The following GPM6A variants were observed in gnomAD, a reference collection of about 807,000 sequenced individuals.
GPM6A encodes the protein glycoprotein M6A, also known as neuronal membrane glycoprotein M6-a.
A neutral mutation model predicts 32.1 loss-of-function variants in GPM6A; 7 were observed. The observed-to-expected ratio is 0.22, with a 90% CI of 0.12 to 0.41. GPM6A has a LOEUF of 0.41. GPM6A is among the 10% of genes least tolerant of loss of function. The pLI is 1.00. For synonymous variants in GPM6A, 130 were observed against 123.4 expected, an observed-to-expected ratio of 1.05 and a Z score of -0.35; for missense variants, 235 against 347.2, an observed-to-expected ratio of 0.68 and a Z score of 2.57.
chr4:175,639,901 A>G (rs1741035822), intron 6 of GPM6A, among the ~76,000 whole-genome samples: 1 of 152,148 alleles, frequency 6.6e-6, no homozygotes, highest in African/African-American at 2.4e-5. Flanking sequence ...CTAAAATCCT[A>G]ATGAATTACT....
intron 1 of GPM6A, among the ~76,000 whole-genome samples, chr4:175,855,388 T>C (rs1736386129): frequency 1.3e-5 from 2 of 152,114 alleles, no homozygotes; most frequent in South Asian, 4.1e-4. Context: ...GCAAATAATA[T>C]ATTAGGACAG....
intron 1 of GPM6A, among the ~76,000 whole-genome samples, chr4:175,890,453 A>G (rs79093272): frequency 0.053 from 8,048 of 152,180 alleles, 449 homozygotes; most frequent in East Asian, 0.28. Flanking sequence ...CCATACACAC[A>G]GTCAAAAAGA....
At chr4:175,923,624 G>T (rs1738741798) in intron 1 of GPM6A, among the ~76,000 whole-genome samples, 1 of 151,888 alleles carries the variant, frequency 6.6e-6, no homozygotes, top group Admixed American at 6.6e-5. Context: ...CGTGAGCTTG[G>T]CTCACTGCAG....
chr4:175,694,902 G>A (rs1744491185), intron 2 of GPM6A, among the ~76,000 whole-genome samples: 2 of 152,166 alleles, frequency 1.3e-5, no homozygotes, highest in African/African-American at 4.8e-5. Context: ...CCTGGCCTGA[G>A]GTCCATGCTA....
chr4:175,938,516 T>A (rs80258802), intron 1 of GPM6A, among the ~76,000 whole-genome samples: 9,521 of 152,216 alleles, frequency 0.063, 445 homozygotes, highest in South Asian at 0.19. Context: ...ATGATGAGCT[T>A]TTTTTTCTGT....
At chr4:175,870,308 ACAAT>A (rs1246246559) in intron 1 of GPM6A, among the ~76,000 whole-genome samples, 2 of 152,108 alleles carry the variant, frequency 1.3e-5, no homozygotes, top group Non-Finnish European at 2.9e-5. Flanking sequence ...ATATCAAACA[ACAAT>A]GCATTATTAA....
At chr4:175,913,516 A>G (rs73871271) in intron 1 of GPM6A, among the ~76,000 whole-genome samples, 9,904 of 152,216 alleles carry the variant, frequency 0.065, 464 homozygotes, top group East Asian at 0.17. Flanking sequence ...TGAAAGTCCA[A>G]TCCTTGCACT....
chr4:175,731,669 C>G (rs1731439862), intron 1 of GPM6A, among the ~76,000 whole-genome samples: 2 of 152,166 alleles, frequency 1.3e-5, no homozygotes, highest in Non-Finnish European at 2.9e-5. Flanking sequence ...TAGGAAGCAG[C>G]CTGAATAACT....
At chr4:175,992,398 A>G (rs983971770) in intron 1 of GPM6A, among the ~76,000 whole-genome samples, 1 of 152,206 alleles carries the variant, frequency 6.6e-6, no homozygotes, top group Non-Finnish European at 1.5e-5. Flanking sequence ...TCTCTGTCAG[A>G]AAGTCAGGGT....
chr4:175,823,353 C>T (rs1735337619), intron 1 of GPM6A, among the ~76,000 whole-genome samples: 1 of 152,012 alleles, frequency 6.6e-6, no homozygotes, highest in African/African-American at 2.4e-5. Flanking sequence ...TTTTTTGGCT[C>T]CATTCACTTG....
chr4:175,935,056 C>T (rs1447728725), intron 1 of GPM6A, among the ~76,000 whole-genome samples: 1 of 152,164 alleles, frequency 6.6e-6, no homozygotes, highest in Non-Finnish European at 1.5e-5. Context: ...ATTTAATTCC[C>T]TATGCATATC....
chr4:175,900,205 G>A (rs370889812), intron 1 of GPM6A, among the ~76,000 whole-genome samples: 6 of 151,246 alleles, frequency 4.0e-5, no homozygotes, highest in South Asian at 2.1e-4. Flanking sequence ...CCCAAGAGGC[G>A]GAGGTTGCAG....
intron 1 of GPM6A, chr4:175,961,339 A>C (rs539974605): frequency 6.6e-6 from 1 of 152,310 alleles, no homozygotes; most frequent in South Asian, 2.1e-4. Flanking sequence ...TCACTACTGC[A>C]TTCTAAAAAC....
chr4:175,817,062 G>A (rs1044777240), upstream of GPM6A, among the ~76,000 whole-genome samples: 1 of 152,066 alleles, frequency 6.6e-6, no homozygotes, highest in Non-Finnish European at 1.5e-5. Flanking sequence ...GTTTCACCGT[G>A]GTAGCCAGGA....
At chr4:175,814,964 T>G (rs1735053320), upstream of GPM6A, among the ~76,000 whole-genome samples, 2 of 152,116 alleles carry the variant, frequency 1.3e-5, no homozygotes, top group Admixed American at 1.3e-4. Flanking sequence ...AAAAACGCAC[T>G]CCTCCTTTCC....
intron 1 of GPM6A, among the ~76,000 whole-genome samples, chr4:175,970,060 C>A (rs1341840100): frequency 6.6e-6 from 1 of 152,202 alleles, no homozygotes; most frequent in Non-Finnish European, 1.5e-5. Flanking sequence ...CCGAAATATT[C>A]CACTGTGTCC....
chr4:175,747,140 C>T (rs1032555357), intron 1 of GPM6A, among the ~76,000 whole-genome samples: 16 of 151,724 alleles, frequency 1.1e-4, no homozygotes, highest in Admixed American at 5.9e-4. Flanking sequence ...CGTGGTGACA[C>T]GTGCCTGTAA....
At position 175,809,221 on chromosome 4, in the gene GPM6A, T is replaced by TTC. The variant is rs1320012531; in HGVS notation, c.37+2968_37+2969dup. On this transcript the variant is annotated intron_variant, in intron 1 of 6. Coordinates refer to ENST00000393658, the MANE Select transcript of GPM6A (RefSeq NM_201591.3). Reference sequence around the variant, plus strand: ...GTCATAAACGCCTACCTGTTAAATCTTCATCAAAATATCTTTATTCACTTT... The same window carrying TTC: ...GTCATAAACGCCTACCTGTTAAATCTTCTCATCAAAATATCTTTATTCACTTT... Among the ~76,000 whole-genome samples, 6 of 152,328 alleles carry TTC rather than the reference T, an allele frequency of 3.9e-5. No homozygotes were observed. The South Asian group carries it at 1.2e-3, about 32-fold the overall frequency.
chr4:175,831,746 G>GTTTTT (rs1735620930), intron 1 of GPM6A, among the ~76,000 whole-genome samples: 1 of 127,904 alleles, frequency 7.8e-6, no homozygotes, highest in South Asian at 2.7e-4. Context: ...TTTGACGGAG[G>GTTTTT]TTCACTTTTG....
Sources: gnomAD v4.1 joint callset for allele counts (sites outside exome capture counted in the v4.1 genomes callset) on GRCh38, gnomAD v4.1.1 for gene constraint, MANE v1.5 for transcripts, NCBI Gene and HGNC (gene_info 2026-07-23, HGNC 2026-07-21) for gene names.